Variants in ZNF589 observed in about 807,000 individuals in gnomAD.
The protein encoded by ZNF589 is zinc finger protein 589, also known as KRAB-zinc finger protein SZF1-1.
ZNF589 carries 17 observed loss-of-function variants against 13.6 expected under a neutral mutation model. That is an observed-to-expected ratio of 1.25 (90% CI 0.86 to 1.88). The LOEUF is 1.88. Among genes scored for constraint, ZNF589 ranks in the 40% most tolerant of loss-of-function variants. The pLI is 0.00. For missense variants in ZNF589, 407 were observed against 434.0 expected (o/e 0.94, Z 0.55); for synonymous variants, 148 against 161.6 (o/e 0.92, Z 0.64).
chr3:48,252,845 A>G (rs2033854732), intron 2 of ZNF589, among the ~76,000 whole-genome samples: 1 of 150,540 alleles, frequency 6.6e-6, no homozygotes. Context: ...GATGGTCTCA[A>G]TCTCCTGACC....
rs1346984403 is a variant in ZNF589, at chr3:48,269,804, C to T, written c.*1018C>T. 17 of 358,494 alleles carry T rather than the reference C, an allele frequency of 4.7e-5. No homozygotes were observed. Among genetic ancestry groups the T allele is most frequent in the Non-Finnish European group, 8.2e-5 (15 of 182,714 alleles). 22.2% of individuals were successfully genotyped at this position (358,494 alleles called of 1,614,324 possible). ...GTAAGGTAATGTGGACAGAGCTGTA[C>T]GTGGACATCATTACTTGTCACGTGT... is the stretch of plus-strand genomic sequence containing the variant. On this transcript the variant is annotated 3_prime_UTR_variant, in exon 4 of 4. Transcript: ENST00000354698.
At chr3:48,259,436 T>A (rs1417276746) in intron 2 of ZNF589, among the ~76,000 whole-genome samples, 1 of 152,194 alleles carries the variant, frequency 6.6e-6, no homozygotes, top group East Asian at 1.9e-4. Context: ...CAGCCCCTAC[T>A]GTCATCTTTG....
At chr3:48,251,771 A>T (rs1284798289) in intron 2 of ZNF589, among the ~76,000 whole-genome samples, 1 of 151,948 alleles carries the variant, frequency 6.6e-6, no homozygotes, top group Admixed American at 6.6e-5. Context: ...GGCCAGGCAC[A>T]GTGGCTCATA....
intron 3 of ZNF589, among the ~76,000 whole-genome samples, chr3:48,263,527 G>A (rs990892025): frequency 6.6e-6 from 1 of 152,204 alleles, no homozygotes; most frequent in African/African-American, 2.4e-5. Flanking sequence ...CAGATCATGA[G>A]GTCAGGAGTT....
At chr3:48,263,276 A>AT (rs1327144926) in intron 3 of ZNF589, among the ~76,000 whole-genome samples, 1 of 151,914 alleles carries the variant, frequency 6.6e-6, no homozygotes, top group Admixed American at 6.6e-5. Context: ...CGCCCAGCAA[A>AT]TTTTTTTATT....
intron 1 of ZNF589, 74 bp downstream of exon 1, chr3:48,241,288 T>G (rs961015359): frequency 1.3e-6 from 2 of 1,572,650 alleles, no homozygotes; most frequent in Non-Finnish European, 1.7e-6. Context: ...GTCGGCCGTA[T>G]CCACCAGGGA....
At position 48,250,113 on chromosome 3, in the gene ZNF589, G is replaced by A. The variant is rs541995722; in HGVS notation, c.96+2436G>A. On this transcript the variant is annotated intron_variant, in intron 2 of 3. Transcript: ENST00000354698. ...ACTGCACTCCAGCCCAGGTGACAGAGCAAGACTCCATTTCAAAAAAAAAAA... is the reference window on the plus strand; with the variant it reads ...ACTGCACTCCAGCCCAGGTGACAGAACAAGACTCCATTTCAAAAAAAAAAA... Among the ~76,000 whole-genome samples the A allele has an allele frequency of 2.3e-4, 35 of 150,050 alleles. No individual in the cohort carries two copies. In the East Asian group the frequency reaches 6.8e-3, roughly 29 times the overall value.
chr3:48,253,541 C>T (rs1284302251), intron 2 of ZNF589, among the ~76,000 whole-genome samples: 3 of 150,046 alleles, frequency 2.0e-5, no homozygotes, highest in Non-Finnish European at 3.0e-5. Context: ...GCTCTGTCGC[C>T]CAGGCTGGAG....
chr3:48,255,426 T>A (rs1288550475), intron 2 of ZNF589, among the ~76,000 whole-genome samples: 1 of 151,716 alleles, frequency 6.6e-6, no homozygotes, highest in Non-Finnish European at 1.5e-5. Context: ...TCTGCCTACC[T>A]TGGCCTCCCA....
Position 48,269,926 on chromosome 3 carries a change from G to A in ZNF589, c.*1140G>A. The A allele has an allele frequency of 2.4e-6, 1 of 414,630 alleles. No homozygotes were observed. The highest frequency in any genetic ancestry group is 4.8e-6 in the Non-Finnish European group (1 of 206,452). 25.7% of individuals were successfully genotyped at this position (414,630 alleles called of 1,614,324 possible). A position where few individuals can be genotyped will look rare whatever the true frequency, so the allele number is the denominator to read the frequency against. On this transcript the variant is annotated 3_prime_UTR_variant, in exon 4 of 4. Transcript: ENST00000354698. ...ATACTTGGAGTCAAATCTATCCACT[G>A]TACGCCCACCCCACTCTTGTTCTAA...
In ZNF589 at chr3:48,270,057, AATGGTCTTTGC is replaced by A. The variant is rs1291040173; in HGVS notation, c.*1274_*1284del. 4.4e-6 allele frequency: 2 copies of A among 457,132 alleles called. No homozygotes were observed. The highest frequency in any genetic ancestry group is 4.0e-5 in the African/African-American group (2 of 50,058). 28.3% of individuals were successfully genotyped at this position (457,132 alleles called of 1,614,324 possible). A position where few individuals can be genotyped will look rare whatever the true frequency, so the allele number is the denominator to read the frequency against. On this transcript the variant is annotated 3_prime_UTR_variant, in exon 4 of 4. Coordinates refer to ENST00000354698, the MANE Select transcript of ZNF589 (RefSeq NM_016089.3). ...TGTCAAGTGACGGTCCCCTTGGAGGAATGGTCTTTGCATCTGACTACTTCCTTCTGCAACTG... is the reference window on the plus strand; with the variant it reads ...TGTCAAGTGACGGTCCCCTTGGAGGAATCTGACTACTTCCTTCTGCAACTG...
intron 2 of ZNF589, among the ~76,000 whole-genome samples, chr3:48,251,851 TG>T (rs969243070): frequency 7.2e-5 from 11 of 151,988 alleles, no homozygotes; most frequent in African/African-American, 2.7e-4. Flanking sequence ...GAGACCAGCC[TG>T]GGCAACGTGG....
In ZNF589 at chr3:48,267,918, A is replaced by C. The variant is rs779697590; in HGVS notation, c.227A>C (p.Glu76Ala). The part of the protein sequence containing the change: ...ENLRNLVSLA[E>A]SKPEVHTCPS... ...ACTGGAAACTTTCTTTCTTCAGCAGAATCAAAGCCAGAAGTCCATACCTGC... is the reference window on the plus strand; with the variant it reads ...ACTGGAAACTTTCTTTCTTCAGCAGCATCAAAGCCAGAAGTCCATACCTGC... The change falls in exon 4 of 4, where the codon GAA (glutamate) becomes GCA (alanine). Residue 76 changes from glutamate to alanine, a missense_variant. Transcript: ENST00000354698. 7.5e-6 allele frequency: 12 copies of C among 1,603,630 alleles called. No individual in the cohort carries two copies. The highest frequency in any genetic ancestry group is 1.0e-5 in the Non-Finnish European group (12 of 1,177,156).
rs139914499 is a variant in ZNF589 at position 48,247,420 on chromosome 3, A to T, written c.44-205A>T. On this transcript the variant is annotated intron_variant, in intron 1 of 3. Transcript: ENST00000354698. Reference sequence around the variant, plus strand: ...TACCTTACTACATTTAATTAAGATCAGTGTTTCTGTAAAAATGTAATAGGG... The same window carrying T: ...TACCTTACTACATTTAATTAAGATCTGTGTTTCTGTAAAAATGTAATAGGG... 3.1e-3 allele frequency among the ~76,000 whole-genome samples: 473 copies of T among 152,162 alleles called. 3 individuals carry two copies. The highest frequency in any genetic ancestry group is 0.011 in the African/African-American group (448 of 41,518).
At chr3:48,252,294 C>T (rs2033846773) in intron 2 of ZNF589, among the ~76,000 whole-genome samples, 2 of 151,726 alleles carry the variant, frequency 1.3e-5, no homozygotes, top group Non-Finnish European at 2.9e-5. Context: ...TGGGTTCAAG[C>T]GATTCTCCTG....
chr3:48,254,230 T>C (rs1265810906), intron 2 of ZNF589, among the ~76,000 whole-genome samples: 1 of 152,108 alleles, frequency 6.6e-6, no homozygotes, highest in Non-Finnish European at 1.5e-5. Flanking sequence ...CACTCCAGCC[T>C]GGGCAACGAG....
At chr3:48,267,357 A>G (rs1358296373) in intron 3 of ZNF589, among the ~76,000 whole-genome samples, 3 of 152,220 alleles carry the variant, frequency 2.0e-5, no homozygotes. Flanking sequence ...CAGACCCTTT[A>G]TCAGCCTAAC....
At chr3:48,265,271 C>CTTTTT (rs35060812) in intron 3 of ZNF589, among the ~76,000 whole-genome samples, 3 of 47,886 alleles carry the variant, frequency 6.3e-5, no homozygotes, top group African/African-American at 1.6e-4. Context: ...TGTGCCCGGC[C>CTTTTT]TTTTTTTTTT....
chr3:48,243,305 A>G (rs1239516412), intron 1 of ZNF589, among the ~76,000 whole-genome samples: 5 of 151,604 alleles, frequency 3.3e-5, no homozygotes, highest in African/African-American at 1.2e-4. Context: ...TTTTTTCTGA[A>G]GTAAAGACTA....
Sources: allele counts gnomAD v4.1 joint callset (sites outside exome capture counted in the v4.1 genomes callset), GRCh38; gene constraint gnomAD v4.1.1; transcripts MANE v1.5; gene names NCBI Gene and HGNC (gene_info 2026-07-23, HGNC 2026-07-21).